Variants in SORT1 observed in about 807,000 individuals in gnomAD.
SORT1 encodes the protein sortilin 1.
In SORT1, 39 loss-of-function variants were observed where a neutral mutation model predicts 101.7. The ratio of observed to expected loss-of-function variants is 0.38; its 90% confidence interval spans 0.30 to 0.50. SORT1 has a LOEUF of 0.50. Among genes scored for constraint, SORT1 ranks in the 20% least tolerant of loss-of-function variants. SORT1 has a pLI of 0.90. For synonymous variants in SORT1, 396 were observed against 393.7 expected (o/e 1.01, Z -0.07); for missense variants, 878 against 1,040.4 (o/e 0.84, Z 2.15).
Position 109,316,880 on chromosome 1 carries a change from G to A in SORT1, c.2220C>T (p.Cys740=), listed in dbSNP as rs1557776934. The change falls in exon 17 of 20, where the codon TGC becomes TGT. Residue 740 remains cysteine (C), a synonymous_variant. Transcript: ENST00000256637. ...TTTCCGGACTCAAAAAGTTGCTTGT[G>A]CATTTCTTTTTCAAGTCTTTTACTT... ...VREVKDLKKK[C]TSNFLSPEKQ... 6.2e-7 allele frequency: 1 copy of A among 1,611,280 alleles called. No individual in the cohort carries two copies. Among genetic ancestry groups the A allele is most frequent in the South Asian group, 1.1e-5 (1 of 90,460 alleles).
intron 1 of SORT1, among the ~76,000 whole-genome samples, chr1:109,384,672 C>A (rs1031036664): frequency 6.6e-6 from 1 of 152,258 alleles, no homozygotes; most frequent in African/African-American, 2.4e-5. Context: ...AAAGAAAAGA[C>A]GTTTATGTAG....
At chr1:109,340,963 G>T (rs990640126) in intron 9 of SORT1, 84 bp from the exon 10 acceptor site, 5 of 1,110,922 alleles carry the variant, frequency 4.5e-6, no homozygotes, top group Non-Finnish European at 6.4e-6. Flanking sequence ...ACGATTACCT[G>T]CCTGACCAAA....
intron 17 of SORT1, among the ~76,000 whole-genome samples, chr1:109,316,645 GAA>G (rs1647236876): frequency 6.6e-6 from 1 of 152,266 alleles, no homozygotes; most frequent in Non-Finnish European, 1.5e-5. Context: ...CCCTCAATAA[GAA>G]AAGAGCTTTC....
chr1:109,345,771 C>CA lies in SORT1; in HGVS notation c.942dup (p.Ala315CysfsTer6), dbSNP rs1184734060. ...CCTACCTTATCAGCCATCACAGAGG[C>CA]AAAAAGGAAACGTCCCCCAAGACCA... On this transcript the variant is annotated frameshift_variant, in exon 8 of 20. Coordinates refer to ENST00000256637, the MANE Select transcript of SORT1 (RefSeq NM_002959.7). LOFTEE classifies it high-confidence loss of function. 1 of 1,613,396 alleles carries CA rather than the reference C, an allele frequency of 6.2e-7. No homozygotes were observed.
chr1:109,320,412 C>T (rs1647543604), intron 15 of SORT1, among the ~76,000 whole-genome samples: 1 of 152,198 alleles, frequency 6.6e-6, no homozygotes, highest in African/African-American at 2.4e-5. Flanking sequence ...AAAATTTAGC[C>T]TGAGGATCCT....
intron 14 of SORT1, 104 bp downstream of exon 14, chr1:109,324,795 C>G (rs1342058277): frequency 2.8e-6 from 2 of 725,482 alleles, no homozygotes; most frequent in Non-Finnish European, 4.6e-6. Flanking sequence ...CTTTCATATG[C>G]ATATGCATCT....
chr1:109,385,915 T>C (rs1207909124), intron 1 of SORT1, among the ~76,000 whole-genome samples: 2 of 152,226 alleles, frequency 1.3e-5, no homozygotes, highest in African/African-American at 4.8e-5. Flanking sequence ...TCTCTATTGG[T>C]CCATAAAGTT....
At chr1:109,377,006 C>T (rs755975530) in intron 1 of SORT1, among the ~76,000 whole-genome samples, 2 of 152,314 alleles carry the variant, frequency 1.3e-5, no homozygotes, top group Middle Eastern at 3.4e-3. Context: ...TGAAAAAGAT[C>T]TGAAAGACAG....
At chr1:109,334,036 C>T (rs1648640840) in intron 11 of SORT1, among the ~76,000 whole-genome samples, 1 of 152,074 alleles carries the variant, frequency 6.6e-6, no homozygotes, top group Non-Finnish European at 1.5e-5. Context: ...ATCTCAGTTA[C>T]TTGGGAGGCT....
At chr1:109,351,267 T>A (rs1649940212) in intron 5 of SORT1, among the ~76,000 whole-genome samples, 1 of 152,102 alleles carries the variant, frequency 6.6e-6, no homozygotes, top group Admixed American at 6.6e-5. Context: ...CAAAGATGAA[T>A]AAGACACACT....
At position 109,313,903 on chromosome 1, in the gene SORT1, C is replaced by G. The variant is rs2101518518; in HGVS notation, c.*140G>C. ...CACCCTGCATTTCTTTAGTGTAGGT[C>G]CTTTTGGCTTTGATGGAAGCAGCAG... On this transcript the variant is annotated 3_prime_UTR_variant, in exon 20 of 20. Coordinates refer to ENST00000256637, the MANE Select transcript of SORT1 (RefSeq NM_002959.7). 241 of 442,146 alleles carry G rather than the reference C, an allele frequency of 5.5e-4. No homozygotes were observed. Among genetic ancestry groups the G allele is most frequent in the East Asian group, 1.3e-3 (23 of 17,860 alleles). The allele number at this position is 442,146 out of a possible 1,614,324, so 27.4% of individuals were successfully genotyped here.
At position 109,336,330 on chromosome 1, in the gene SORT1, G is replaced by A; in HGVS notation, c.1281C>T (p.Thr427=). 6.2e-7 allele frequency: 1 copy of A among 1,607,596 alleles called. No homozygotes were observed. ...TTCCTCCTTGGTCAAAAGTGATCAT[G>A]GTCTGGATAGAATTATCTGAATGGG... ...SVLSEDNSIQ[T]MITFDQGGRW... The change falls in exon 11 of 20, where the codon ACC becomes ACT. Residue 427 remains threonine (T), a synonymous_variant. Coordinates refer to ENST00000256637, the MANE Select transcript of SORT1 (RefSeq NM_002959.7).
intron 1 of SORT1, among the ~76,000 whole-genome samples, chr1:109,380,813 CAAAAAAAAAAA>C (rs60568166): frequency 2.2e-4 from 11 of 49,224 alleles, no homozygotes; most frequent in Admixed American, 1.7e-3. Flanking sequence ...CCTGTCGCCA[CAAAAAAAAAAA>C]AAAAAAAAAA....
At chr1:109,386,646 A>AATCCCAGACCAGCCTAGGC (rs1553200991) in intron 1 of SORT1, among the ~76,000 whole-genome samples, 1 of 152,216 alleles carries the variant, frequency 6.6e-6, no homozygotes, top group African/African-American at 2.4e-5. Context: ...TGAGCCCAGG[A>AATCCCAGACCAGCCTAGGC]ATCCCAGACC....
chr1:109,396,510 A>G (rs1459058748), intron 1 of SORT1, among the ~76,000 whole-genome samples: 1 of 152,204 alleles, frequency 6.6e-6, no homozygotes, highest in Non-Finnish European at 1.5e-5. Context: ...ACTAAGCACA[A>G]TTATTCCTGA....
intron 16 of SORT1, 75 bp downstream of exon 16, chr1:109,317,778 G>T (rs1357989712): frequency 2.0e-6 from 2 of 1,006,260 alleles, no homozygotes; most frequent in Non-Finnish European, 3.1e-6. Flanking sequence ...TTGGATCTCA[G>T]TGTGGAGAGA....
chr1:109,318,790 C>T (rs1287344662), intron 15 of SORT1, among the ~76,000 whole-genome samples: 1 of 152,036 alleles, frequency 6.6e-6, no homozygotes, highest in East Asian at 1.9e-4. Flanking sequence ...GGAGCTGGAA[C>T]CACATGCATG....
At chr1:109,394,096 T>C (rs1259170006) in intron 1 of SORT1, among the ~76,000 whole-genome samples, 1 of 152,184 alleles carries the variant, frequency 6.6e-6, no homozygotes, top group Admixed American at 6.6e-5. Flanking sequence ...CACCTTACCA[T>C]GGTAAGTCAA....
Position 109,312,423 on chromosome 1 carries a change from C to G in SORT1, c.*1620G>C, listed in dbSNP as rs568617675. 6.6e-6 allele frequency: 1 copy of G among 152,640 alleles called. No individual in the cohort carries two copies. The highest frequency in any genetic ancestry group is 1.9e-4 in the East Asian group (1 of 5,190). 9.5% of individuals were successfully genotyped at this position (152,640 alleles called of 1,614,324 possible). On this transcript the variant is annotated 3_prime_UTR_variant, in exon 20 of 20. Coordinates refer to ENST00000256637, the MANE Select transcript of SORT1 (RefSeq NM_002959.7). ...AAAAGTCTCCATCCACTCTCTCCCC[C>G]ACTTTCCACGCAGCTGTTAATCCAT...
Sources: gnomAD v4.1 joint callset for allele counts (sites outside exome capture counted in the v4.1 genomes callset) on GRCh38, gnomAD v4.1.1 for gene constraint, MANE v1.5 for transcripts, NCBI Gene and HGNC (gene_info 2026-07-23, HGNC 2026-07-21) for gene names.